OR51B5: variants seen among roughly 807,000 people sequenced by gnomAD.
The protein encoded by OR51B5 is olfactory receptor family 51 subfamily B member 5, also known as olfactory receptor 51B5.
For missense variants in OR51B5, 456 were observed against 374.6 expected (o/e 1.22, Z -1.79); for synonymous variants, 186 against 144.8 (o/e 1.28, Z -2.04).
At chr11:5,446,682 T>C (rs1274674872) in intron 1 of OR51B5, among the ~76,000 whole-genome samples, 2 of 152,196 alleles carry the variant, frequency 1.3e-5, no homozygotes. Flanking sequence ...ATTAACTACT[T>C]ATGTTCAACA....
intron 1 of OR51B5, among the ~76,000 whole-genome samples, chr11:5,373,336 TC>T (rs1198458495): frequency 6.6e-6 from 1 of 152,126 alleles, no homozygotes; most frequent in Non-Finnish European, 1.5e-5. Flanking sequence ...CAAATAAAGT[TC>T]CAGTTTTTGA....
intron 1 of OR51B5, among the ~76,000 whole-genome samples, chr11:5,418,662 A>G (rs1850278623): frequency 6.6e-6 from 1 of 150,552 alleles, no homozygotes; most frequent in Non-Finnish European, 1.5e-5. Flanking sequence ...CTCATTCATA[A>G]TTGGTAGTTG....
At chr11:5,489,088 G>A (rs762866652) in intron 1 of OR51B5, 1 of 1,613,928 alleles carries the variant, frequency 6.2e-7, no homozygotes, top group African/African-American at 1.3e-5. Flanking sequence ...TAGGTATGTG[G>A]CTATCTGTAA....
At chr11:5,381,378 C>T (rs1173244091) in intron 1 of OR51B5, among the ~76,000 whole-genome samples, 6 of 152,156 alleles carry the variant, frequency 3.9e-5, no homozygotes, top group African/African-American at 1.4e-4. Flanking sequence ...CACCCACATT[C>T]ACTTCACCTA....
intron 1 of OR51B5, among the ~76,000 whole-genome samples, chr11:5,394,484 G>A (rs528906087): frequency 6.6e-6 from 1 of 152,234 alleles, no homozygotes; most frequent in Admixed American, 6.5e-5. Flanking sequence ...CTCAGCACAA[G>A]CCTATATTCC....
intron 1 of OR51B5, among the ~76,000 whole-genome samples, chr11:5,446,876 G>A (rs1034302776): frequency 6.6e-6 from 1 of 152,222 alleles, no homozygotes; most frequent in Non-Finnish European, 1.5e-5. Context: ...CTACTTCAGT[G>A]CGTAAGGTTT....
intron 1 of OR51B5, among the ~76,000 whole-genome samples, chr11:5,481,852 A>G (rs1257666821): frequency 7.1e-6 from 1 of 141,438 alleles, no homozygotes; most frequent in Admixed American, 7.0e-5. Context: ...AAGGAAATAA[A>G]AGAGGATACA....
At chr11:5,489,670 AGC>A (rs1851553816) in intron 1 of OR51B5, 2 of 1,587,214 alleles carry the variant, frequency 1.3e-6, no homozygotes, top group African/African-American at 2.7e-5. Context: ...ATGAATGCTG[AGC>A]AGAAGTTGGA....
At chr11:5,505,461 G>A (rs1267091718) in intron 1 of OR51B5, 2 of 1,302,086 alleles carry the variant, frequency 1.5e-6, no homozygotes, top group African/African-American at 1.5e-5. Flanking sequence ...CCCTAATGGG[G>A]AGTGGAGTGA....
intron 1 of OR51B5, chr11:5,402,557 T>C (rs748670191): frequency 7.0e-6 from 3 of 430,328 alleles, no homozygotes; most frequent in South Asian, 5.3e-5. Flanking sequence ...TTGTTTCTAA[T>C]TTTCAAGGTG....
chr11:5,503,738 TGAC>T (rs1846331739), intron 1 of OR51B5, among the ~76,000 whole-genome samples: 1 of 152,308 alleles, frequency 6.6e-6, no homozygotes, highest in East Asian at 1.9e-4. Flanking sequence ...GCTATGGTAA[TGAC>T]GACATTTCAG....
intron 1 of OR51B5, chr11:5,489,688 A>C (rs200377634): frequency 1.4e-6 from 2 of 1,473,408 alleles, no homozygotes; most frequent in East Asian, 4.5e-5. Flanking sequence ...TTGGAGATTT[A>C]AAAAAAAGTG....
chr11:5,452,257 C>A (rs1850863841), intron 1 of OR51B5, among the ~76,000 whole-genome samples: 1 of 152,068 alleles, frequency 6.6e-6, no homozygotes, highest in Admixed American at 6.5e-5. Flanking sequence ...GTAATCCCAG[C>A]ACTTTGGGAG....
intron 1 of OR51B5, among the ~76,000 whole-genome samples, chr11:5,435,042 C>T (rs922383965): frequency 1.3e-5 from 2 of 152,082 alleles, no homozygotes; most frequent in African/African-American, 4.8e-5. Context: ...TGGTGGGGAA[C>T]AGGGGTTAAG....
intron 1 of OR51B5, among the ~76,000 whole-genome samples, chr11:5,476,989 CA>C (rs1376871165): frequency 2.6e-5 from 4 of 152,074 alleles, no homozygotes; most frequent in African/African-American, 9.7e-5. Context: ...ATCTACTGTA[CA>C]AAATAATGCC....
chr11:5,430,185 T>C (rs918340966), intron 1 of OR51B5, among the ~76,000 whole-genome samples: 1 of 152,186 alleles, frequency 6.6e-6, no homozygotes, highest in African/African-American at 2.4e-5. Flanking sequence ...CCAGAGAGCA[T>C]GCTCACCTTA....
intron 1 of OR51B5, among the ~76,000 whole-genome samples, chr11:5,469,695 G>C (rs1173751366): frequency 6.6e-6 from 1 of 152,052 alleles, no homozygotes; most frequent in African/African-American, 2.4e-5. Context: ...TATTTTTCTT[G>C]TGTCTATATA....
At chr11:5,483,825 C>A (rs554235853) in intron 1 of OR51B5, among the ~76,000 whole-genome samples, 95 of 152,256 alleles carry the variant, frequency 6.2e-4, no homozygotes, top group Non-Finnish European at 1.1e-3. Context: ...ATCCCCTTGA[C>A]TAGAGGAGGC....
intron 1 of OR51B5, among the ~76,000 whole-genome samples, chr11:5,478,673 G>T (rs1851359306): frequency 6.6e-6 from 1 of 151,526 alleles, no homozygotes; most frequent in Non-Finnish European, 1.5e-5. Flanking sequence ...TAAAGGAGCT[G>T]ATGGAGCTGA....
Sources: gnomAD v4.1 joint callset for allele counts (sites outside exome capture counted in the v4.1 genomes callset) on GRCh38, gnomAD v4.1.1 for gene constraint, MANE v1.5 for transcripts, NCBI Gene and HGNC (gene_info 2026-07-23, HGNC 2026-07-21) for gene names.